Variants in DUS2 observed in about 807,000 individuals in gnomAD.
DUS2 encodes the protein dihydrouridine synthase 2, also known as tRNA-dihydrouridine(20) synthase [NAD(P)+]-like.
In DUS2, 52 loss-of-function variants were observed where a neutral mutation model predicts 71.3. That is an observed-to-expected ratio of 0.73 (90% CI 0.58 to 0.92). DUS2 has a LOEUF of 0.92. Ranked by LOEUF, DUS2 falls within the 40% of genes least tolerant of loss-of-function variation. DUS2 has a pLI of 0.00. For synonymous variants in DUS2, 204 were observed against 227.8 expected (o/e 0.90, Z 0.94); for missense variants, 558 against 622.6 (o/e 0.90, Z 1.10).
intron 7 of DUS2, among the ~76,000 whole-genome samples, chr16:68,058,038 C>T (rs1054811971): frequency 2.0e-5 from 3 of 151,812 alleles, no homozygotes; most frequent in African/African-American, 7.3e-5. Flanking sequence ...GATTTAGGAC[C>T]CTGTAAGCAG....
In DUS2 at chr16:68,078,909, G is replaced by A. The variant is rs76070113; in HGVS notation, c.1405G>A (p.Ala469Thr). The A allele has an allele frequency of 6.2e-7, 1 of 1,612,424 alleles. No homozygotes were observed. Among genetic ancestry groups the A allele is most frequent in the South Asian group, 1.1e-5 (1 of 90,970 alleles). Residue 469 changes from alanine to threonine, a missense_variant, in exon 17 of 17, where the codon GCA becomes ACA. By Grantham distance (58) the Ala-to-Thr change is moderately conservative. Coordinates refer to ENST00000565263, the MANE Select transcript of DUS2 (RefSeq NM_017803.5). ...DPGGPRAQELAQPGDLCKKPF... is the reference protein window; with the variant it reads ...DPGGPRAQELTQPGDLCKKPF... ...TGGGGGCCCCAGAGCTCAGGAGCTA[G>A]CACAACCTGGGGATCTGTGCAAGAA...
In DUS2 at chr16:68,046,750, A is replaced by AT. The variant is rs548162410; in HGVS notation, c.127-2741dup. Among the ~76,000 whole-genome samples, 703 of 142,986 alleles carry AT rather than the reference A, an allele frequency of 4.9e-3. 2 individuals are homozygous for AT. The highest frequency in any genetic ancestry group is 0.022 in the South Asian group (100 of 4,580). The allele number at this position is 142,986 out of a possible 152,430, so 93.8% of individuals were successfully genotyped here. Reference sequence around the variant, plus strand: ...AAGTAACGTTTTCTCTCTCATTCTGATTTTTTTTTTTTTTGAGACGAAGTC... The same window carrying AT: ...AAGTAACGTTTTCTCTCTCATTCTGATTTTTTTTTTTTTTTGAGACGAAGTC... On this transcript the variant is annotated intron_variant, in intron 3 of 16. Coordinates refer to ENST00000565263, the MANE Select transcript of DUS2 (RefSeq NM_017803.5).
At chr16:68,046,797 A>G (rs1289264370) in intron 3 of DUS2, among the ~76,000 whole-genome samples, 2 of 148,784 alleles carry the variant, frequency 1.3e-5, no homozygotes, top group Admixed American at 6.8e-5. Context: ...CCGAGGCTGG[A>G]GTGTAGTGGC....
Position 68,031,425 on chromosome 16 carries a change from A to C in DUS2, c.-19+5931A>C, listed in dbSNP as rs2033436934. On this transcript the variant is annotated intron_variant, in intron 2 of 16. Transcript: ENST00000565263. Reference sequence around the variant, plus strand: ...TGATCCGCCTGCCTTGGCCTCCCAAAGTGCTAGGATTACAGGCATGAGCCA... The same window carrying C: ...TGATCCGCCTGCCTTGGCCTCCCAACGTGCTAGGATTACAGGCATGAGCCA... Among the ~76,000 whole-genome samples the C allele has an allele frequency of 2.0e-5, 3 of 152,092 alleles. No homozygotes were observed. The South Asian group carries it at 6.2e-4, about 32-fold the overall frequency.
intron 4 of DUS2, among the ~76,000 whole-genome samples, chr16:68,052,923 G>A (rs979972969): frequency 2.7e-5 from 4 of 150,886 alleles, no homozygotes; most frequent in East Asian, 2.0e-4. Context: ...GATTACAAGC[G>A]TGAGCCACTG....
At chr16:68,026,214 C>T (rs1375089477) in intron 2 of DUS2, among the ~76,000 whole-genome samples, 1 of 152,118 alleles carries the variant, frequency 6.6e-6, no homozygotes, top group Non-Finnish European at 1.5e-5. Context: ...TGATCTCGAA[C>T]TCCTGACCTC....
intron 12 of DUS2, among the ~76,000 whole-genome samples, chr16:68,071,985 C>T (rs966594252): frequency 3.9e-5 from 6 of 152,196 alleles, no homozygotes; most frequent in African/African-American, 1.4e-4. Flanking sequence ...CTCTGTGGGA[C>T]TCTGATCAGC....
intron 11 of DUS2, 58 bp from the exon 12 acceptor site, chr16:68,070,882 T>A: frequency 6.3e-7 from 1 of 1,585,632 alleles, no homozygotes; most frequent in Middle Eastern, 1.7e-4. Context: ...TGACTTTTTC[T>A]GAAAATGCTG....
In DUS2 at chr16:68,066,343, A is replaced by T. The variant is rs1270278559; in HGVS notation, c.444A>T (p.Thr148=). The T allele has an allele frequency of 1.9e-6, 3 of 1,614,216 alleles. No homozygotes were observed. The highest frequency in any genetic ancestry group is 2.2e-5 in the South Asian group (2 of 91,082). The change falls in exon 9 of 17, where the codon ACA becomes ACT. Residue 148 remains threonine, a synonymous_variant. Transcript: ENST00000565263. The part of the protein sequence containing the change: ...EKILSTLVKG[T]RRPVTCKIRI... ...TCCTCAGCACTCTTGTTAAAGGGAC[A>T]CGCAGACCTGTGACCTGCAAGATTC...
chr16:68,072,680 G>A (rs957180706), intron 12 of DUS2, among the ~76,000 whole-genome samples: 10 of 152,084 alleles, frequency 6.6e-5, no homozygotes, highest in African/African-American at 1.7e-4. Context: ...ATAGGCCCAC[G>A]TGGAGTTACT....
chr16:68,051,959 C>T (rs1400932956), intron 4 of DUS2, among the ~76,000 whole-genome samples: 1 of 151,942 alleles, frequency 6.6e-6, no homozygotes, highest in Non-Finnish European at 1.5e-5. Context: ...AGTGCAGTGG[C>T]GTGATCTTGG....
chr16:68,078,211 A>G (rs2034185860), intron 15 of DUS2: 1 of 563,084 alleles, frequency 1.8e-6, no homozygotes, highest in Admixed American at 3.1e-5. Context: ...TGTGCAGCTA[A>G]GGGCTCTGCT....
intron 7 of DUS2, among the ~76,000 whole-genome samples, chr16:68,059,051 A>G (rs994593410): frequency 3.9e-5 from 6 of 152,128 alleles, no homozygotes; most frequent in Admixed American, 3.9e-4. Context: ...ATGTCTACCA[A>G]AAAATATAAA....
chr16:68,024,799 TC>T (rs1169139641), intron 1 of DUS2, among the ~76,000 whole-genome samples: 2 of 151,764 alleles, frequency 1.3e-5, no homozygotes, highest in Non-Finnish European at 2.9e-5. Flanking sequence ...TTTTGCCCTT[TC>T]CCTCCCACCA....
intron 7 of DUS2, among the ~76,000 whole-genome samples, chr16:68,056,994 T>C (rs1424527308): frequency 1.4e-5 from 2 of 140,436 alleles, no homozygotes; most frequent in African/African-American, 2.6e-5. Context: ...ACAATAAATA[T>C]ATAAATATAT....
chr16:68,076,535 C>A, intron 14 of DUS2, 97 bp from the exon 15 acceptor site: 2 of 889,296 alleles, frequency 2.2e-6, no homozygotes, highest in Non-Finnish European at 1.8e-6. Flanking sequence ...CAGTTCCTCT[C>A]ATTTCTGCAG....
intron 3 of DUS2, among the ~76,000 whole-genome samples, chr16:68,041,849 A>C (rs927353799): frequency 6.6e-6 from 1 of 152,116 alleles, no homozygotes; most frequent in Non-Finnish European, 1.5e-5. Context: ...TGATTTTTAA[A>C]AGTTTTTTTT....
At chr16:68,031,543 A>T (rs1339467585) in intron 2 of DUS2, among the ~76,000 whole-genome samples, 1 of 152,040 alleles carries the variant, frequency 6.6e-6, no homozygotes, top group African/African-American at 2.4e-5. Flanking sequence ...CTGTCACCAG[A>T]TGTACTTGTG....
chr16:68,045,073 G>A (rs2033681984), intron 3 of DUS2, among the ~76,000 whole-genome samples: 3 of 152,156 alleles, frequency 2.0e-5, no homozygotes, highest in South Asian at 2.1e-4. Context: ...AATTACAGGC[G>A]TGAGCCACTG....
Sources: gnomAD v4.1 joint callset for allele counts (sites outside exome capture counted in the v4.1 genomes callset) on GRCh38, gnomAD v4.1.1 for gene constraint, MANE v1.5 for transcripts, NCBI Gene and HGNC (gene_info 2026-07-23, HGNC 2026-07-21) for gene names.